The following SYNE2 variants were observed in gnomAD, a reference collection of about 807,000 sequenced individuals.
SYNE2 encodes nesprin-2.
In SYNE2, 431 loss-of-function variants were observed where a neutral mutation model predicts 856.3. The observed-to-expected ratio is 0.50, with a 90% confidence interval of 0.47 to 0.55. The LOEUF is 0.55. Ranked by LOEUF, SYNE2 falls within the 20% of genes least tolerant of loss-of-function variation. SYNE2 has a pLI of 0.00. For synonymous variants in SYNE2, 2,923 were observed against 2,872.3 expected (o/e 1.02, Z -0.56); for missense variants, 8,129 against 8,023.2 (o/e 1.01, Z -0.50).
intron 45 of SYNE2, among the ~76,000 whole-genome samples, chr14:64,032,128 C>A (rs1198886811): frequency 6.6e-6 from 1 of 152,126 alleles, no homozygotes; most frequent in Non-Finnish European, 1.5e-5. Context: ...AGAACATGCA[C>A]TTTTATTGTC....
chr14:64,133,808 C>T (rs1004271094), intron 77 of SYNE2, among the ~76,000 whole-genome samples: 4 of 152,152 alleles, frequency 2.6e-5, no homozygotes, highest in Non-Finnish European at 4.4e-5. Context: ...AGTCATGTTA[C>T]CCAGTTTGAC....
chr14:64,219,201 A>G lies in SYNE2; in HGVS notation c.19658-7A>G. On this transcript the variant is annotated splice_region_variant and splice_polypyrimidine_tract_variant and intron_variant, in intron 109 of 115. Transcript: ENST00000555002. Reference sequence around the variant, plus strand: ...GCTTTTTTTAATTGGCGATTTTTTAATTCCAGGTGCCTTCGACAGATGGGA... The same window carrying G: ...GCTTTTTTTAATTGGCGATTTTTTAGTTCCAGGTGCCTTCGACAGATGGGA... 6.2e-7 allele frequency: 1 copy of G among 1,606,138 alleles called. No homozygotes were observed. The highest frequency in any genetic ancestry group is 8.5e-7 in the Non-Finnish European group (1 of 1,177,242).
At chr14:64,155,664 A>T (rs1163149623) in intron 85 of SYNE2, among the ~76,000 whole-genome samples, 1 of 152,042 alleles carries the variant, frequency 6.6e-6, no homozygotes, top group Non-Finnish European at 1.5e-5. Flanking sequence ...CAGTGGCTCA[A>T]ACCTGTAATG....
In SYNE2 at chr14:63,981,162, G is replaced by A. The variant is rs750478153; in HGVS notation, c.1825G>A (p.Glu609Lys). The A allele has an allele frequency of 1.9e-6, 3 of 1,613,256 alleles. No homozygotes were observed. Among genetic ancestry groups the A allele is most frequent in the Non-Finnish European group, 2.5e-6 (3 of 1,179,386 alleles). ...TTGCTTTGAGGAGACAAAGAAGGAAGAAATTAAAGAGGTATTTGCAGTCTA... is the reference window on the plus strand; with the variant it reads ...TTGCTTTGAGGAGACAAAGAAGGAAAAAATTAAAGAGGTATTTGCAGTCTA... ...RACFEETKKE[E>K]IKEVPFETLA... is the part of the protein sequence containing the mutation. Residue 609 changes from glutamate to lysine, a missense_variant, in exon 16 of 116, where the codon GAA becomes AAA. Transcript: ENST00000555002.
Position 64,106,132 on chromosome 14 carries a change from A to ACC in SYNE2, c.12493-1349_12493-1348dup, listed in dbSNP as rs72135678. On this transcript the variant is annotated intron_variant, in intron 64 of 115. Coordinates refer to ENST00000555002, the MANE Select transcript of SYNE2 (RefSeq NM_182914.3). ...GGTATACATGGAATTGCATTTCCAG[A>ACC]CCCCCCCCCCCAACCAACACACAAG... Among the ~76,000 whole-genome samples, 7 of 120,822 alleles carry ACC rather than the reference A, an allele frequency of 5.8e-5. No individual in the cohort carries two copies. In the South Asian group the frequency reaches 9.1e-4, roughly 16 times the overall value. The allele number at this position is 120,822 out of a possible 152,430, so 79.3% of individuals were successfully genotyped here. A position where few individuals can be genotyped will look rare whatever the true frequency, so the allele number is the denominator to read the frequency against.
rs61987277 is a variant in SYNE2, at chr14:64,126,489, T to A, written c.13707+10T>A. The A allele has an allele frequency of 4.3e-6, 7 of 1,614,114 alleles. No individual in the cohort carries two copies. The highest frequency in any genetic ancestry group is 4.2e-6 in the Non-Finnish European group (5 of 1,179,986). The stretch of plus-strand genomic sequence containing the variant: ...GCAGGTGCACTACGAGGTAGGGCAC[T>A]TCTCACGAGCCCATGTGTTGGCCAT... On this transcript the variant is annotated intron_variant, in intron 72 of 115. Coordinates refer to ENST00000555002, the MANE Select transcript of SYNE2 (RefSeq NM_182914.3).
At chr14:64,039,060 C>A (rs376027919) in intron 45 of SYNE2, among the ~76,000 whole-genome samples, 7 of 152,278 alleles carry the variant, frequency 4.6e-5, no homozygotes, top group Admixed American at 6.5e-5. Flanking sequence ...AGATGTTATA[C>A]TAAGAAATTG....
chr14:64,101,940 T>C lies in SYNE2; in HGVS notation c.12390T>C (p.Asp4130=). The C allele has an allele frequency of 1.2e-6, 2 of 1,612,922 alleles. No homozygotes were observed. The highest frequency in any genetic ancestry group is 8.5e-7 in the Non-Finnish European group (1 of 1,178,938). ...EESSVKSDNG[D]EKAEPSPQSW... is the part of the protein sequence containing the mutation. ...ATCGTTTACTGTGATAGAATGGAGATGAGAAGGCAGAGCCATCGCCTCAGT... is the reference window on the plus strand; with the variant it reads ...ATCGTTTACTGTGATAGAATGGAGACGAGAAGGCAGAGCCATCGCCTCAGT... Residue 4130 remains aspartate (D), a synonymous_variant, in exon 64 of 116, where the codon GAT becomes GAC. Transcript: ENST00000555002.
At chr14:63,857,362 T>C (rs2140089494) in intron 1 of SYNE2, among the ~76,000 whole-genome samples, 1 of 152,366 alleles carries the variant, frequency 6.6e-6, no homozygotes, top group East Asian at 1.9e-4. Flanking sequence ...CGCCAGTTCA[T>C]GTATCTTTTC....
At chr14:63,804,887 A>C (rs1489185191) in intron 1 of SYNE2, among the ~76,000 whole-genome samples, 1 of 152,200 alleles carries the variant, frequency 6.6e-6, no homozygotes, top group Non-Finnish European at 1.5e-5. Flanking sequence ...TTTACATTTA[A>C]GCCTTTAATC....
At chr14:64,181,576 C>T (rs1229724626) in intron 96 of SYNE2, among the ~76,000 whole-genome samples, 2 of 152,140 alleles carry the variant, frequency 1.3e-5, no homozygotes, top group African/African-American at 4.8e-5. Flanking sequence ...TTCGTTCAAC[C>T]CGTGACCATA....
chr14:64,151,557 AAAAAAT>A (rs1339044002), intron 84 of SYNE2, among the ~76,000 whole-genome samples: 122 of 150,700 alleles, frequency 8.1e-4, no homozygotes, highest in African/African-American at 2.8e-3. Context: ...AGCAATTTTC[AAAAAAT>A]AAAAATAAAA....
intron 47 of SYNE2, 67 bp from the exon 48 acceptor site, chr14:64,051,490 T>C: frequency 6.4e-6 from 9 of 1,415,070 alleles, no homozygotes; most frequent in South Asian, 1.3e-5. Context: ...TCTAATGATA[T>C]TTATCCACAT....
chr14:64,052,465 A>G lies in SYNE2; in HGVS notation c.8552A>G (p.Gln2851Arg). Residue 2851 changes from glutamine to arginine, a missense_variant, in exon 48 of 116, where the codon CAA (glutamine) becomes CGA (arginine). Gln to Arg is a conservative substitution (Grantham distance 43). This residue lies in a region of SYNE2 where 5,410 missense variants were observed against 5,284.8 expected (regional missense o/e 1.02). Coordinates refer to ENST00000555002, the MANE Select transcript of SYNE2 (RefSeq NM_182914.3). ...ATAAGGAAGTTTCAACTTATGGTTC[A>G]AGAAAGTGAAACACTGATAATTCCC... ...AIIRKFQLMV[Q>R]ESETLIIPRV... The G allele has an allele frequency of 6.2e-7, 1 of 1,613,450 alleles. No individual in the cohort carries two copies. Among genetic ancestry groups the G allele is most frequent in the Non-Finnish European group, 8.5e-7 (1 of 1,179,676 alleles).
At position 63,983,749 on chromosome 14, in the gene SYNE2, C is replaced by T; in HGVS notation, c.2014C>T (p.Pro672Ser). ...TTATTTTGTATAGGAAATGAACCTG[C>T]CACTGATGATAAAAAAACAGGATCA... ...VSKTQLEMNL[P>S]LMIKKQDQPT... The change falls in exon 18 of 116, where the codon CCA becomes TCA. Residue 672 changes from proline (P) to serine (S), a missense_variant. Transcript: ENST00000555002. 1 of 1,612,054 alleles carries T rather than the reference C, an allele frequency of 6.2e-7. No individual in the cohort carries two copies. The highest frequency in any genetic ancestry group is 2.2e-5 in the East Asian group (1 of 44,720).
Position 64,122,111 on chromosome 14 carries a change from A to G in SYNE2, c.13258A>G (p.Thr4420Ala), listed in dbSNP as rs1455585667. The change falls in exon 69 of 116, where the codon ACA becomes GCA. Residue 4420 changes from threonine (T) to alanine (A), a missense_variant. This residue lies in a region of SYNE2 where 5,410 missense variants were observed against 5,284.8 expected (regional missense o/e 1.02). Transcript: ENST00000555002. ...WPQYCQHDND[T>A]TQESSASNQA... The stretch of plus-strand genomic sequence containing the variant: ...CCAGTATTGCCAACATGATAACGAT[A>G]CAACTCAGGAATCATCTGCAAGGTA... The G allele has an allele frequency of 1.9e-6, 3 of 1,614,074 alleles. No individual in the cohort carries two copies. The highest frequency in any genetic ancestry group is 2.5e-6 in the Non-Finnish European group (3 of 1,180,048).
intron 61 of SYNE2, among the ~76,000 whole-genome samples, chr14:64,095,657 C>T (rs1188459336): frequency 6.6e-6 from 1 of 152,104 alleles, no homozygotes; most frequent in African/African-American, 2.4e-5. Flanking sequence ...GCTTACAACT[C>T]AAACAGTAGC....
At chr14:64,056,301 T>C in intron 49 of SYNE2, 35 bp downstream of exon 49, 4 of 1,550,238 alleles carry the variant, frequency 2.6e-6, no homozygotes, top group Non-Finnish European at 3.5e-6. Flanking sequence ...TTTAAGAACA[T>C]AAAATATTGT....
chr14:63,954,625 G>A, intron 7 of SYNE2, 94 bp from the exon 8 acceptor site: 1 of 1,194,314 alleles, frequency 8.4e-7, no homozygotes, highest in Non-Finnish European at 1.2e-6. Flanking sequence ...TAATTTACTT[G>A]ATTTGCCAAA....
Sources: allele counts gnomAD v4.1 joint callset (sites outside exome capture counted in the v4.1 genomes callset), GRCh38; gene constraint gnomAD v4.1.1; regional missense constraint gnomAD v4.1.1; transcripts MANE v1.5; gene names NCBI Gene and HGNC (gene_info 2026-07-23, HGNC 2026-07-21).